The following DLG2 variants were observed in gnomAD, a reference collection of about 807,000 sequenced individuals.
The protein encoded by DLG2 is discs large MAGUK scaffold protein 2, also known as disks large homolog 2.
A neutral mutation model predicts 132.5 loss-of-function variants in DLG2; 45 were observed. The observed-to-expected ratio is 0.34, with a 90% confidence interval of 0.27 to 0.44. The LOEUF is 0.44. Ranked by LOEUF, DLG2 falls within the 20% of genes least tolerant of loss-of-function variation. The probability of loss-of-function intolerance (pLI) is 1.00; values close to 1 mark genes in which losing one functional copy is unlikely to be tolerated. For synonymous variants in DLG2, 424 were observed against 419.6 expected (o/e 1.01, Z -0.13); for missense variants, 1,045 against 1,196.9 (o/e 0.87, Z 1.87).
intron 4 of DLG2, among the ~76,000 whole-genome samples, chr11:85,246,940 G>T (rs1342074967): frequency 6.6e-6 from 1 of 152,090 alleles, no homozygotes; most frequent in Admixed American, 6.6e-5. Context: ...GAACCCACTA[G>T]AATAGCATTC....
Position 83,456,913 on chromosome 11 carries a change from A to T in DLG2, c.*2905T>A, listed in dbSNP as rs745861923. 1 of 152,636 alleles carries T rather than the reference A, an allele frequency of 6.6e-6. No homozygotes were observed. Among genetic ancestry groups the T allele is most frequent in the Non-Finnish European group, 1.5e-5 (1 of 68,040 alleles). The allele number at this position is 152,636 out of a possible 1,614,324, so 9.5% of individuals were successfully genotyped here. On this transcript the variant is annotated 3_prime_UTR_variant, in exon 28 of 28. Transcript: ENST00000376104. ...AAGGCCTGCAAATAAATAGCCAAGA[A>T]ATCCCGCAAAAGGCCTGCAAATAAA... is the stretch of plus-strand genomic sequence containing the variant.
At chr11:84,794,792 C>A (rs1232179504) in intron 6 of DLG2, among the ~76,000 whole-genome samples, 1 of 152,234 alleles carries the variant, frequency 6.6e-6, no homozygotes, top group African/African-American at 2.4e-5. Context: ...ACTGACATGC[C>A]AGCCCCTGCT....
At chr11:83,639,945 A>G (rs568918396) in intron 18 of DLG2, among the ~76,000 whole-genome samples, 1 of 152,244 alleles carries the variant, frequency 6.6e-6, no homozygotes, top group Admixed American at 6.5e-5. Context: ...TCAAAATGAG[A>G]TTTGACTGAA....
At chr11:85,108,086 T>C (rs1008776429) in intron 6 of DLG2, among the ~76,000 whole-genome samples, 14 of 151,860 alleles carry the variant, frequency 9.2e-5, no homozygotes, top group African/African-American at 3.1e-4. Context: ...AATATGTAAC[T>C]GGTGACAGAC....
intron 19 of DLG2, among the ~76,000 whole-genome samples, chr11:83,628,323 G>A (rs1182223954): frequency 1.3e-5 from 2 of 152,184 alleles, no homozygotes; most frequent in African/African-American, 2.4e-5. Context: ...TAAGCCCAGA[G>A]AAACTGATTC....
intron 8 of DLG2, among the ~76,000 whole-genome samples, chr11:84,188,913 C>T (rs1481210476): frequency 6.6e-6 from 1 of 152,178 alleles, no homozygotes; most frequent in East Asian, 1.9e-4. Context: ...TTTGAAGTGT[C>T]ACTGATTTCT....
In DLG2 at chr11:85,560,984, A is replaced by G. The variant is rs143296994; in HGVS notation, c.40+37673T>C. On this transcript the variant is annotated intron_variant, in intron 3 of 27. Coordinates refer to ENST00000376104, the MANE Select transcript of DLG2 (RefSeq NM_001142699.3). ...GAGGTCAAGGCTGCAGTGAGCTGTGATCATTCCATTGCACTCCAGCCTGGA... is the reference window on the plus strand; with the variant it reads ...GAGGTCAAGGCTGCAGTGAGCTGTGGTCATTCCATTGCACTCCAGCCTGGA... Among the ~76,000 whole-genome samples, 28 of 151,678 alleles carry G rather than the reference A, an allele frequency of 1.8e-4. No homozygotes were observed. In the East Asian group the frequency reaches 5.2e-3, roughly 28 times the overall value.
At chr11:83,785,237 G>A (rs1321590040) in intron 18 of DLG2, among the ~76,000 whole-genome samples, 1 of 151,890 alleles carries the variant, frequency 6.6e-6, no homozygotes, top group Non-Finnish European at 1.5e-5. Context: ...TGTATTTTTA[G>A]TAGAGACAGG....
intron 7 of DLG2, among the ~76,000 whole-genome samples, chr11:84,492,041 A>G (rs941731081): frequency 2.0e-5 from 3 of 152,180 alleles, no homozygotes; most frequent in Non-Finnish European, 2.9e-5. Flanking sequence ...TTAAGTAAAC[A>G]TGAGGTAAAA....
At chr11:85,307,008 T>C (rs2079993159) in intron 3 of DLG2, among the ~76,000 whole-genome samples, 1 of 152,106 alleles carries the variant, frequency 6.6e-6, no homozygotes, top group Admixed American at 6.5e-5. Flanking sequence ...CAAGAAGAAA[T>C]GCAAAGGCTG....
chr11:85,284,466 C>A (rs2078432626), intron 4 of DLG2, among the ~76,000 whole-genome samples: 1 of 151,808 alleles, frequency 6.6e-6, no homozygotes, highest in Non-Finnish European at 1.5e-5. Flanking sequence ...CTACATGACT[C>A]CAATCTTGAA....
chr11:83,832,480 T>C (rs1328783869), intron 17 of DLG2, among the ~76,000 whole-genome samples: 1 of 152,206 alleles, frequency 6.6e-6, no homozygotes, highest in Non-Finnish European at 1.5e-5. Context: ...TGGAGGCTAT[T>C]ATCCTAAGCA....
At chr11:85,523,021 G>A (rs1479691701) in intron 3 of DLG2, among the ~76,000 whole-genome samples, 1 of 152,186 alleles carries the variant, frequency 6.6e-6, no homozygotes, top group African/African-American at 2.4e-5. Context: ...GAATGATATG[G>A]TCTGGCTTTG....
intron 6 of DLG2, among the ~76,000 whole-genome samples, chr11:84,670,918 T>G (rs1383855567): frequency 6.6e-6 from 1 of 152,172 alleles, no homozygotes; most frequent in East Asian, 1.9e-4. Context: ...CTTTTTGTAC[T>G]TATTAGTTTC....
chr11:84,663,236 T>C (rs991831055), intron 6 of DLG2, among the ~76,000 whole-genome samples: 2 of 65,342 alleles, frequency 3.1e-5, no homozygotes, highest in African/African-American at 6.1e-5. Context: ...AGGTTATATA[T>C]ATATATATAT....
At chr11:85,592,179 C>T (rs554923218) in intron 3 of DLG2, among the ~76,000 whole-genome samples, 2 of 152,296 alleles carry the variant, frequency 1.3e-5, no homozygotes, top group South Asian at 4.1e-4. Flanking sequence ...TAAGTGTAGG[C>T]ATTTGGTCTT....
chr11:83,853,900 G>C (rs549455481), intron 16 of DLG2, among the ~76,000 whole-genome samples: 176 of 152,192 alleles, frequency 1.2e-3, no homozygotes, highest in South Asian at 1.7e-3. Context: ...ACAAGAAAAG[G>C]AAATTAAAAG....
At chr11:83,850,311 T>A (rs1054186735) in intron 16 of DLG2, among the ~76,000 whole-genome samples, 9 of 151,930 alleles carry the variant, frequency 5.9e-5, no homozygotes, top group Non-Finnish European at 8.8e-5. Flanking sequence ...GTGCCACCAC[T>A]CCCGGCTAAT....
intron 6 of DLG2, chr11:84,997,298 A>C (rs542784160): frequency 6.6e-6 from 1 of 152,320 alleles, no homozygotes; most frequent in East Asian, 1.9e-4. Flanking sequence ...CATTTCAAAA[A>C]ATTCTCTCCA....
Sources: gnomAD v4.1 joint callset for allele counts (sites outside exome capture counted in the v4.1 genomes callset) on GRCh38, gnomAD v4.1.1 for gene constraint, MANE v1.5 for transcripts, NCBI Gene and HGNC (gene_info 2026-07-23, HGNC 2026-07-21) for gene names.